UGT1A6: variants seen among roughly 807,000 people sequenced by gnomAD.
The protein encoded by UGT1A6 is UDP-glucuronosyltransferase 1A6.
UGT1A6 carries 32 observed loss-of-function variants against 44.4 expected under a neutral mutation model. That is an observed-to-expected ratio of 0.72 (90% confidence interval 0.54 to 0.97). The LOEUF (loss-of-function observed/expected upper bound fraction) is 0.97. Among genes scored for constraint, UGT1A6 ranks in the 50% least tolerant of loss-of-function variants. The probability of loss-of-function intolerance (pLI) is 0.00; values close to 1 mark genes in which losing one functional copy is unlikely to be tolerated. For synonymous variants in UGT1A6, 238 were observed against 248.5 expected (o/e 0.96, Z 0.40); for missense variants, 685 against 661.9 (o/e 1.03, Z -0.38).
intron 1 of UGT1A6, among the ~76,000 whole-genome samples, chr2:233,731,952 T>C (rs2078222480): frequency 6.6e-6 from 1 of 152,218 alleles, no homozygotes; most frequent in African/African-American, 2.4e-5. Context: ...ATCTGTTGTT[T>C]CCTGACTTTT....
In UGT1A6 at chr2:233,724,159, G is replaced by T. The variant is rs1253730217; in HGVS notation, c.861+30294G>T. Among the ~76,000 whole-genome samples the T allele has an allele frequency of 6.2e-4, 77 of 124,140 alleles. 1 individual carries two copies. Among genetic ancestry groups the T allele is most frequent in the African/African-American group, 2.5e-3 (70 of 28,440 alleles). The allele number at this position is 124,140 out of a possible 152,430, so 81.4% of individuals were successfully genotyped here. A position where few individuals can be genotyped will look rare whatever the true frequency, so the allele number is the denominator to read the frequency against. On this transcript the variant is annotated intron_variant, in intron 1 of 4. Transcript: ENST00000305139. Reference sequence around the variant, plus strand: ...GACGGGGCGGCTGGCCGGGTGGGGGGGCTGACCCCCCCATCTCCCTCCCGG... The same window carrying T: ...GACGGGGCGGCTGGCCGGGTGGGGGTGCTGACCCCCCCATCTCCCTCCCGG...
intron 1 of UGT1A6, chr2:233,747,659 T>C: frequency 1.9e-6 from 3 of 1,599,022 alleles, no homozygotes; most frequent in Non-Finnish European, 2.6e-6. Flanking sequence ...TCGATGTGGT[T>C]TTAATAGACC....
intron 1 of UGT1A6, 105 bp from the exon 2 acceptor site, chr2:233,766,924 ATGCCT>A: frequency 6.4e-7 from 1 of 1,565,450 alleles, no homozygotes; most frequent in Non-Finnish European, 8.6e-7. Context: ...TCAAACACGC[ATGCCT>A]TTAATCATAG....
intron 1 of UGT1A6, among the ~76,000 whole-genome samples, chr2:233,731,505 G>T (rs1188245872): frequency 2.6e-5 from 4 of 152,064 alleles, no homozygotes; most frequent in African/African-American, 7.2e-5. Context: ...TTGCTGTTCA[G>T]TTCCCACCTA....
chr2:233,697,534 T>C (rs879329254), intron 1 of UGT1A6, among the ~76,000 whole-genome samples: 14 of 151,894 alleles, frequency 9.2e-5, no homozygotes, highest in Admixed American at 5.9e-4. Flanking sequence ...TTTTGTTTCA[T>C]TGGTCTTTGC....
chr2:233,725,828 G>A (rs372072402), intron 1 of UGT1A6, among the ~76,000 whole-genome samples: 8 of 152,124 alleles, frequency 5.3e-5, no homozygotes, highest in Middle Eastern at 3.4e-3. Flanking sequence ...TACCAGTATT[G>A]CTACTCCTAT....
intron 1 of UGT1A6, chr2:233,719,202 T>G (rs764611570): frequency 6.2e-7 from 1 of 1,614,218 alleles, no homozygotes; most frequent in South Asian, 1.1e-5. Flanking sequence ...TCATAGGTGT[T>G]GTGTGGAGCT....
chr2:233,760,524 C>T (rs2125985415), intron 1 of UGT1A6: 1 of 1,614,240 alleles, frequency 6.2e-7, no homozygotes, highest in Non-Finnish European at 8.5e-7. Context: ...TGAAGACGTA[C>T]CCTGTGCCAT....
Position 233,772,327 on chromosome 2 carries a change from T to A in UGT1A6, c.1367T>A (p.Leu456Gln), listed in dbSNP as rs527798161. The A allele has an allele frequency of 6.2e-7, 1 of 1,614,262 alleles. No homozygotes were observed. The highest frequency in any genetic ancestry group is 1.3e-5 in the African/African-American group (1 of 75,072). The change falls in exon 5 of 5, where the codon CTG becomes CAG. Residue 456 changes from leucine to glutamine, a missense_variant. Leu to Gln is a moderately radical substitution (Grantham distance 113, BLOSUM62 -2). Transcript: ENST00000305139. ...HKDRPVEPLD[L>Q]AVFWVEFVMR... ...GACCGCCCGGTGGAGCCGCTGGACC[T>A]GGCCGTGTTCTGGGTGGAGTTTGTG...
intron 1 of UGT1A6, among the ~76,000 whole-genome samples, chr2:233,719,879 C>A (rs573880021): frequency 1.3e-5 from 2 of 152,076 alleles, no homozygotes; most frequent in Non-Finnish European, 2.9e-5. Flanking sequence ...AGAAGAGGCA[C>A]GGATGAGGGT....
chr2:233,715,439 T>C (rs1470387805), intron 1 of UGT1A6, among the ~76,000 whole-genome samples: 2 of 152,158 alleles, frequency 1.3e-5, no homozygotes, highest in East Asian at 3.9e-4. Flanking sequence ...GTAATGTGAC[T>C]CCTATGTTAT....
intron 1 of UGT1A6, among the ~76,000 whole-genome samples, chr2:233,758,159 G>C (rs1281366344): frequency 2.6e-5 from 4 of 152,206 alleles, no homozygotes; most frequent in Non-Finnish European, 5.9e-5. Flanking sequence ...AATGGGTTCT[G>C]CTTTGGTTTC....
intron 1 of UGT1A6, among the ~76,000 whole-genome samples, chr2:233,696,658 T>C (rs770952566): frequency 5.3e-5 from 8 of 152,210 alleles, no homozygotes; most frequent in Non-Finnish European, 1.0e-4. Context: ...CTTCCAGTAC[T>C]ATGAAGAATA....
chr2:233,768,589 T>C (rs1575835871), intron 4 of UGT1A6, 150 bp downstream of exon 4: 6 of 1,048,606 alleles, frequency 5.7e-6, no homozygotes, highest in East Asian at 7.5e-5. Flanking sequence ...CTTCTTTTTT[T>C]TTTTTTTTTT....
intron 1 of UGT1A6, chr2:233,719,222 T>A: frequency 1.2e-6 from 2 of 1,614,238 alleles, no homozygotes; most frequent in Admixed American, 1.7e-5. Context: ...TACTGCATAA[T>A]GAGGCCCTGA....
chr2:233,697,829 T>C (rs1462256718), intron 1 of UGT1A6, among the ~76,000 whole-genome samples: 1 of 152,194 alleles, frequency 6.6e-6, no homozygotes, highest in Non-Finnish European at 1.5e-5. Flanking sequence ...CAAGAAAATC[T>C]AATTAAGAAG....
At chr2:233,706,317 T>G (rs947788693) in intron 1 of UGT1A6, among the ~76,000 whole-genome samples, 6 of 152,228 alleles carry the variant, frequency 3.9e-5, no homozygotes, top group African/African-American at 7.2e-5. Context: ...TAGTGCCTTT[T>G]GGAACTATTC....
In UGT1A6 at chr2:233,767,087, T is replaced by A; in HGVS notation, c.915T>A (p.Ser305=). 1 of 1,614,180 alleles carries A rather than the reference T, an allele frequency of 6.2e-7. No homozygotes were observed. The highest frequency in any genetic ancestry group is 8.5e-7 in the Non-Finnish European group (1 of 1,180,034). The change falls in exon 2 of 5, where the codon TCT becomes TCA. Residue 305 remains serine, a synonymous_variant. Coordinates refer to ENST00000305139, the MANE Select transcript of UGT1A6 (RefSeq NM_001072.4). ...GAGAACATGGAATTGTGGTTTTCTC[T>A]TTGGGATCAATGGTCTCAGAAATTC... is the stretch of plus-strand genomic sequence containing the variant. The part of the protein sequence containing the change: ...ASGEHGIVVF[S]LGSMVSEIPE...
intron 1 of UGT1A6, among the ~76,000 whole-genome samples, chr2:233,717,417 G>C (rs2076571839): frequency 6.6e-6 from 1 of 152,224 alleles, no homozygotes; most frequent in Non-Finnish European, 1.5e-5. Flanking sequence ...CCTCCCTTGA[G>C]CTGGGTGTCC....
Sources: gnomAD v4.1 joint callset for allele counts (sites outside exome capture counted in the v4.1 genomes callset) on GRCh38, gnomAD v4.1.1 for gene constraint, MANE v1.5 for transcripts, NCBI Gene and HGNC (gene_info 2026-07-23, HGNC 2026-07-21) for gene names.